The following GDAP1 variants were observed in gnomAD, a reference collection of about 807,000 sequenced individuals.
The protein encoded by GDAP1 is ganglioside-induced differentiation-associated protein 1.
In GDAP1, 34 loss-of-function variants were observed where a neutral mutation model predicts 40.1. That is an observed-to-expected ratio of 0.85 (90% CI 0.64 to 1.13). The LOEUF (loss-of-function observed/expected upper bound fraction) is 1.13. Among genes scored for constraint, GDAP1 ranks in the 50% most tolerant of loss-of-function variants. GDAP1 has a pLI of 0.00. For synonymous variants in GDAP1, 170 were observed against 157.4 expected, an observed-to-expected ratio of 1.08 and a Z score of -0.60; for missense variants, 374 against 433.7, an observed-to-expected ratio of 0.86 and a Z score of 1.22.
intron 2 of GDAP1, among the ~76,000 whole-genome samples, chr8:74,487,044 A>G (rs1310287606): frequency 2.6e-5 from 4 of 152,202 alleles, no homozygotes. Flanking sequence ...TAAGTTGGGA[A>G]TAATAATAGA....
chr8:74,407,223 G>C (rs1805651808), intron 2 of GDAP1, among the ~76,000 whole-genome samples: 1 of 149,848 alleles, frequency 6.7e-6, no homozygotes, highest in Non-Finnish European at 1.5e-5. Context: ...CTTGAGACCA[G>C]GAGTTCGAGA....
At chr8:74,380,049 G>A (rs1037273380) in intron 2 of GDAP1, among the ~76,000 whole-genome samples, 2 of 152,152 alleles carry the variant, frequency 1.3e-5, no homozygotes, top group African/African-American at 2.4e-5. Flanking sequence ...TGGATTGACC[G>A]CAGTTTTGAG....
At chr8:74,353,459 G>A (rs762855377) in intron 2 of GDAP1, among the ~76,000 whole-genome samples, 3 of 152,178 alleles carry the variant, frequency 2.0e-5, no homozygotes, top group Non-Finnish European at 4.4e-5. Flanking sequence ...TATATAAATC[G>A]AGGTCAAGAA....
chr8:74,351,513 A>G (rs777595386), intron 2 of GDAP1, 47 bp downstream of exon 2: 5 of 1,241,064 alleles, frequency 4.0e-6, no homozygotes, highest in Admixed American at 1.7e-5. Flanking sequence ...TTTCAACACA[A>G]CTATGTGTTC....
At chr8:74,406,506 C>A (rs1199035701) in intron 2 of GDAP1, among the ~76,000 whole-genome samples, 1 of 150,168 alleles carries the variant, frequency 6.7e-6, no homozygotes, top group East Asian at 1.9e-4. Flanking sequence ...ATGAACAGCT[C>A]CATTTACTTA....
chr8:74,422,520 C>T (rs200808830), intron 2 of GDAP1, among the ~76,000 whole-genome samples: 1 of 73,200 alleles, frequency 1.4e-5, no homozygotes, highest in African/African-American at 3.9e-5. Flanking sequence ...TCCTTCCTTC[C>T]TTCCTTCCTT....
intron 2 of GDAP1, among the ~76,000 whole-genome samples, chr8:74,479,889 A>G (rs189526663): frequency 6.2e-4 from 95 of 152,192 alleles, no homozygotes; most frequent in Non-Finnish European, 1.0e-3. Context: ...CTTGGAACTC[A>G]CAATGTCACT....
intron 2 of GDAP1, among the ~76,000 whole-genome samples, chr8:74,436,797 C>A (rs556622748): frequency 2.0e-5 from 3 of 152,242 alleles, no homozygotes; most frequent in East Asian, 1.9e-4. Flanking sequence ...CTTTACCCCC[C>A]ATAAGCCAGA....
chr8:74,427,699 T>G (rs1423590135), intron 2 of GDAP1, among the ~76,000 whole-genome samples: 1 of 152,148 alleles, frequency 6.6e-6, no homozygotes, highest in African/African-American at 2.4e-5. Flanking sequence ...GATAAAAATG[T>G]AGACTGTTAC....
intron 2 of GDAP1, 52 bp downstream of exon 2, chr8:74,351,518 G>A (rs1487056608): frequency 8.0e-7 from 1 of 1,252,986 alleles, no homozygotes; most frequent in Non-Finnish European, 1.2e-6. Context: ...ACACAACTAT[G>A]TGTTCCCTTT....
intron 2 of GDAP1, among the ~76,000 whole-genome samples, chr8:74,433,932 G>C (rs569644331): frequency 8.4e-4 from 128 of 152,344 alleles, no homozygotes; most frequent in African/African-American, 2.9e-3. Flanking sequence ...GAACTGTGCA[G>C]TCTGTGGCTC....
At chr8:74,360,679 T>G (rs1034411972) in intron 3 of GDAP1, among the ~76,000 whole-genome samples, 11 of 152,246 alleles carry the variant, frequency 7.2e-5, no homozygotes, top group African/African-American at 2.7e-4. Context: ...GAGTTCATGT[T>G]ACTGGTCCTT....
intron 2 of GDAP1, among the ~76,000 whole-genome samples, chr8:74,442,307 T>C (rs1806172623): frequency 6.6e-6 from 1 of 152,246 alleles, no homozygotes. Context: ...CGGTACCTTC[T>C]GCCCTACTTC....
chr8:74,438,759 C>A (rs1192688999), intron 2 of GDAP1, among the ~76,000 whole-genome samples: 1 of 152,064 alleles, frequency 6.6e-6, no homozygotes, highest in African/African-American at 2.4e-5. Context: ...TACCATCACA[C>A]CTGGCTAATT....
In GDAP1 at chr8:74,403,932, G is replaced by C. The variant is rs535870967; in HGVS notation, c.165+52611G>C. On this transcript the variant is annotated intron_variant, in intron 2 of 2. Coordinates refer to the GDAP1 transcript ENST00000523640. ...TTTTATTCTCTTTGTTGAGCAAAATGTGTGAATAACCAGTCTTTAAATATG... is the reference window on the plus strand; with the variant it reads ...TTTTATTCTCTTTGTTGAGCAAAATCTGTGAATAACCAGTCTTTAAATATG... 8.7e-5 allele frequency among the ~76,000 whole-genome samples: 13 copies of C among 150,214 alleles called. 3 individuals are homozygous for C. The highest frequency in any genetic ancestry group is 3.3e-4 in the African/African-American group (13 of 39,568).
rs181612772 is a variant in GDAP1 at position 74,451,176 on chromosome 8, A to G, written c.166-37502A>G. 8.3e-3 allele frequency among the ~76,000 whole-genome samples: 690 copies of G among 83,556 alleles called. 239 individuals are homozygous for G. Among genetic ancestry groups the G allele is most frequent in the Non-Finnish European group, 0.012 (489 of 41,170 alleles). 54.8% of individuals were successfully genotyped at this position (83,556 alleles called of 152,430 possible). Reference sequence around the variant, plus strand: ...CTTTAAGGAAATTAAGAGGCTGGGCATGGTAGCTCATGCCTGTAATCCTAG... The same window carrying G: ...CTTTAAGGAAATTAAGAGGCTGGGCGTGGTAGCTCATGCCTGTAATCCTAG... On this transcript the variant is annotated intron_variant, in intron 2 of 2. Coordinates refer to the GDAP1 transcript ENST00000523640.
intron 2 of GDAP1, among the ~76,000 whole-genome samples, chr8:74,357,311 T>C (rs141606377): frequency 0.015 from 2,282 of 152,252 alleles, 41 homozygotes; most frequent in African/African-American, 0.051. Context: ...GTGAATTTTG[T>C]AAAATAATGA....
intron 2 of GDAP1, among the ~76,000 whole-genome samples, chr8:74,373,256 A>C (rs1193712533): frequency 7.2e-5 from 11 of 152,140 alleles, no homozygotes; most frequent in Admixed American, 7.2e-4. Context: ...TTTTGGTTCC[A>C]TATGAACTTT....
rs1030084176 is a variant in GDAP1 at position 74,417,821 on chromosome 8, T to C, written c.165+66500T>C. Among the ~76,000 whole-genome samples the C allele has an allele frequency of 4.8e-5, 7 of 145,746 alleles. 2 individuals carry two copies. Among genetic ancestry groups the C allele is most frequent in the African/African-American group, 1.8e-4 (7 of 39,560 alleles). On this transcript the variant is annotated intron_variant, in intron 2 of 2. Coordinates refer to the GDAP1 transcript ENST00000523640. ...ATCCCAAGATGAATATAAACAAATATTGTAAATTAACAAGTGAGTTTATCA... is the reference window on the plus strand; with the variant it reads ...ATCCCAAGATGAATATAAACAAATACTGTAAATTAACAAGTGAGTTTATCA...
Sources: gnomAD v4.1 joint callset for allele counts (sites outside exome capture counted in the v4.1 genomes callset) on GRCh38, gnomAD v4.1.1 for gene constraint, MANE v1.5 for transcripts, NCBI Gene and HGNC (gene_info 2026-07-23, HGNC 2026-07-21) for gene names.